Variants in ME3 observed in about 807,000 individuals in gnomAD.
ME3 encodes the protein malic enzyme 3, also known as NADP-dependent malic enzyme, mitochondrial.
A neutral mutation model predicts 68.9 loss-of-function variants in ME3; 48 were observed. The observed-to-expected ratio is 0.70, with a 90% CI of 0.55 to 0.89. The LOEUF is 0.89. ME3 is among the 40% of genes least tolerant of loss of function. The pLI is 0.00. For missense variants in ME3, 675 were observed against 797.4 expected, an observed-to-expected ratio of 0.85 and a Z score of 1.85; for synonymous variants, 320 against 318.8, an observed-to-expected ratio of 1.00 and a Z score of -0.04.
At chr11:86,444,908 A>G (rs1411627292) in intron 13 of ME3, among the ~76,000 whole-genome samples, 1 of 152,222 alleles carries the variant, frequency 6.6e-6, no homozygotes, top group East Asian at 1.9e-4. Flanking sequence ...TCTTGCTCAC[A>G]GCAGGTGATA....
chr11:86,653,045 C>A (rs568117465), intron 2 of ME3, among the ~76,000 whole-genome samples: 259 of 152,254 alleles, frequency 1.7e-3, no homozygotes, highest in Middle Eastern at 0.01. Flanking sequence ...GAAGAGCTAA[C>A]TATCCTAAGT....
intron 2 of ME3, among the ~76,000 whole-genome samples, chr11:86,634,486 C>T (rs980522911): frequency 1.1e-4 from 17 of 152,162 alleles, no homozygotes; most frequent in African/African-American, 2.2e-4. Context: ...TTCTTACTGT[C>T]GCTCAGCTTA....
intron 2 of ME3, among the ~76,000 whole-genome samples, chr11:86,601,279 C>A (rs1960610279): frequency 6.6e-6 from 1 of 152,214 alleles, no homozygotes; most frequent in East Asian, 1.9e-4. Context: ...ATATCACCAC[C>A]AATCCCACAG....
chr11:86,475,557 T>C (rs777102906), intron 7 of ME3, among the ~76,000 whole-genome samples: 31 of 152,154 alleles, frequency 2.0e-4, no homozygotes, highest in African/African-American at 3.4e-4. Flanking sequence ...GTGATAAATA[T>C]AGCCTGAATG....
intron 2 of ME3, among the ~76,000 whole-genome samples, chr11:86,625,206 G>A (rs1009018871): frequency 1.3e-4 from 20 of 151,952 alleles, no homozygotes; most frequent in South Asian, 8.3e-4. Context: ...AGTAACTATC[G>A]TTAACAAAGT....
At chr11:86,570,298 T>TGTACAG (rs1199549101) in intron 2 of ME3, among the ~76,000 whole-genome samples, 2 of 152,200 alleles carry the variant, frequency 1.3e-5, no homozygotes, top group African/African-American at 4.8e-5. Flanking sequence ...TGTGGGCAAT[T>TGTACAG]AGCTCTGAGA....
intron 4 of ME3, among the ~76,000 whole-genome samples, chr11:86,515,427 T>TCCCAGAAACATGGCCC (rs1456915967): frequency 6.6e-6 from 1 of 152,118 alleles, no homozygotes; most frequent in African/African-American, 2.4e-5. Context: ...GGCTCTTAGA[T>TCCCAGAAACATGGCCC]CCCAGAAACA....
intron 2 of ME3, among the ~76,000 whole-genome samples, chr11:86,569,923 G>A (rs1957694656): frequency 6.6e-6 from 1 of 152,186 alleles, no homozygotes; most frequent in African/African-American, 2.4e-5. Flanking sequence ...GATTTTAAAA[G>A]TTGTTGACTG....
At chr11:86,475,904 G>C (rs1478317694) in intron 7 of ME3, among the ~76,000 whole-genome samples, 1 of 148,520 alleles carries the variant, frequency 6.7e-6, no homozygotes. Flanking sequence ...GAGAGAGAAA[G>C]AGAAAGAGAG....
At chr11:86,528,269 A>G (rs1260174329) in intron 4 of ME3, among the ~76,000 whole-genome samples, 2 of 152,266 alleles carry the variant, frequency 1.3e-5, no homozygotes, top group Non-Finnish European at 2.9e-5. Context: ...AGGCCATTAC[A>G]TAATGGTAAA....
chr11:86,527,113 T>G (rs574177270), intron 4 of ME3, among the ~76,000 whole-genome samples: 39 of 152,226 alleles, frequency 2.6e-4, no homozygotes, highest in Non-Finnish European at 5.0e-4. Context: ...GTTAAAAACC[T>G]TGAAAAAAGA....
intron 2 of ME3, among the ~76,000 whole-genome samples, chr11:86,661,375 A>G (rs2135490005): frequency 6.6e-6 from 1 of 152,380 alleles, no homozygotes; most frequent in South Asian, 2.1e-4. Context: ...GCACCCAGGC[A>G]TTGTGCAACA....
intron 2 of ME3, among the ~76,000 whole-genome samples, chr11:86,587,658 C>T (rs11234705): frequency 6.6e-6 from 1 of 151,932 alleles, no homozygotes; most frequent in Non-Finnish European, 1.5e-5. Context: ...AAAAGAAAGA[C>T]AGTAGAAAAA....
At chr11:86,494,576 G>C (rs1034829915) in intron 6 of ME3, among the ~76,000 whole-genome samples, 4 of 152,092 alleles carry the variant, frequency 2.6e-5, no homozygotes, top group African/African-American at 9.7e-5. Flanking sequence ...GGGGTACTCT[G>C]GTCCCTCCCT....
chr11:86,602,493 T>C (rs1158932575), intron 2 of ME3, among the ~76,000 whole-genome samples: 4 of 152,036 alleles, frequency 2.6e-5, no homozygotes, highest in African/African-American at 7.2e-5. Flanking sequence ...TGCTCATGGG[T>C]AGGAAGAATC....
intron 2 of ME3, among the ~76,000 whole-genome samples, chr11:86,665,967 G>C (rs1946564310): frequency 6.6e-6 from 1 of 152,188 alleles, no homozygotes; most frequent in Non-Finnish European, 1.5e-5. Context: ...GCAAAGGAGT[G>C]AAAAAGGCTG....
chr11:86,478,851 C>T (rs1167518818), intron 7 of ME3, among the ~76,000 whole-genome samples: 3 of 152,130 alleles, frequency 2.0e-5, no homozygotes, highest in African/African-American at 7.2e-5. Context: ...GGTTTAAAAA[C>T]CACTGCATTA....
intron 2 of ME3, among the ~76,000 whole-genome samples, chr11:86,601,945 G>A (rs1392320510): frequency 7.0e-6 from 1 of 143,010 alleles, no homozygotes; most frequent in Non-Finnish European, 1.5e-5. Context: ...GTATTGATGG[G>A]ACGTATCTCA....
intron 4 of ME3, among the ~76,000 whole-genome samples, chr11:86,537,720 G>A (rs1955773698): frequency 6.6e-6 from 1 of 152,226 alleles, no homozygotes; most frequent in Non-Finnish European, 1.5e-5. Context: ...TTCTCAGCCT[G>A]TCTTGGAACC....
Sources: allele counts gnomAD v4.1 joint callset (sites outside exome capture counted in the v4.1 genomes callset), GRCh38; gene constraint gnomAD v4.1.1; transcripts MANE v1.5; gene names NCBI Gene and HGNC (gene_info 2026-07-23, HGNC 2026-07-21).